Variants in KDM1B observed in about 807,000 individuals in gnomAD.
The protein encoded by KDM1B is lysine-specific histone demethylase 2.
In KDM1B, 63 loss-of-function variants were observed where a neutral mutation model predicts 107.4. The observed-to-expected ratio is 0.59, with a 90% confidence interval of 0.48 to 0.72. KDM1B has a LOEUF of 0.72. Ranked by LOEUF, KDM1B falls within the 30% of genes least tolerant of loss-of-function variation. The pLI, the probability that KDM1B is intolerant of heterozygous loss-of-function variation, is 0.00. For missense variants in KDM1B, 749 were observed against 1,020.8 expected, an observed-to-expected ratio of 0.73 and a Z score of 3.63; for synonymous variants, 363 against 363.9, an observed-to-expected ratio of 1.00 and a Z score of 0.03.
At position 18,200,402 on chromosome 6, in the gene KDM1B, T is replaced by C. The variant is rs1787957207; in HGVS notation, c.1222-37T>C. ...AATACTGTGTCTGATATAACTCTTGTGTCCTATTTAGCTTCCCTGACTGTC... is the reference window on the plus strand; with the variant it reads ...AATACTGTGTCTGATATAACTCTTGCGTCCTATTTAGCTTCCCTGACTGTC... On this transcript the variant is annotated intron_variant, in intron 12 of 21. Coordinates refer to ENST00000650836, the MANE Select transcript of KDM1B (RefSeq NM_001364614.2). The surrounding 1 kb of genome is among the most constrained non-coding windows in gnomAD (Gnocchi z 4.3). 1.2e-6 allele frequency: 2 copies of C among 1,604,114 alleles called. No homozygotes were observed. The highest frequency in any genetic ancestry group is 1.7e-6 in the Non-Finnish European group (2 of 1,174,234).
intron 17 of KDM1B, among the ~76,000 whole-genome samples, chr6:18,210,757 G>A (rs1354216970): frequency 2.6e-5 from 4 of 152,198 alleles, no homozygotes; most frequent in South Asian, 4.1e-4. Flanking sequence ...ACAGCACTTC[G>A]GGAGGCTGAG....
chr6:18,201,740 C>A lies in KDM1B; in HGVS notation c.1531+83C>A. On this transcript the variant is annotated intron_variant, in intron 14 of 21. Coordinates refer to ENST00000650836, the MANE Select transcript of KDM1B (RefSeq NM_001364614.2). This position sits in a 1 kb window ranked among gnomAD's most constrained non-coding sequence, Gnocchi z 4.3. Reference sequence around the variant, plus strand: ...CATCAGCAGTGGCATTGTTCATTTGCGAGGTCGGATGTCGGCAACAGGGTA... The same window carrying A: ...CATCAGCAGTGGCATTGTTCATTTGAGAGGTCGGATGTCGGCAACAGGGTA... The A allele has an allele frequency of 8.4e-7, 1 of 1,195,818 alleles. No individual in the cohort carries two copies. Among genetic ancestry groups the A allele is most frequent in the Non-Finnish European group, 1.2e-6 (1 of 861,112 alleles). 74.1% of individuals were successfully genotyped at this position (1,195,818 alleles called of 1,614,324 possible).
intron 3 of KDM1B, 82 bp from the exon 4 acceptor site, chr6:18,161,245 C>A: frequency 7.7e-7 from 1 of 1,305,600 alleles, no homozygotes; most frequent in Non-Finnish European, 1.1e-6. Context: ...TAGAACTCAG[C>A]TGTGATTTCA....
chr6:18,205,784 G>A lies in KDM1B; in HGVS notation c.1659+120G>A, dbSNP rs965180788. 5 of 951,988 alleles carry A rather than the reference G, an allele frequency of 5.3e-6. No individual in the cohort carries two copies. The highest frequency in any genetic ancestry group is 7.0e-6 in the Non-Finnish European group (5 of 710,736). 59.0% of individuals were successfully genotyped at this position (951,988 alleles called of 1,614,324 possible). On this transcript the variant is annotated intron_variant, in intron 15 of 21. Coordinates refer to ENST00000650836, the MANE Select transcript of KDM1B (RefSeq NM_001364614.2). The surrounding 1 kb of genome is among the most constrained non-coding windows in gnomAD (Gnocchi z 5.7). ...CGAGGTGGGCAGATCATGAGGTCAG[G>A]AGATCGAGACCATCCTGGCCAACAT...
rs893835219 is a variant in KDM1B, at chr6:18,220,925, T to A, written c.2386-984T>A. On this transcript the variant is annotated intron_variant, in intron 21 of 21. Transcript: ENST00000650836. Reference sequence around the variant, plus strand: ...ACTGTGCCCAGCTAATTTTTTATTTTTTTTTAGTAGAGATGGGGTTTCATC... The same window carrying A: ...ACTGTGCCCAGCTAATTTTTTATTTATTTTTAGTAGAGATGGGGTTTCATC... Among the ~76,000 whole-genome samples the A allele has an allele frequency of 2.6e-5, 4 of 152,186 alleles. No individual in the cohort carries two copies. The East Asian group carries it at 7.8e-4, about 30-fold the overall frequency.
chr6:18,157,154 A>C (rs1371401409), intron 2 of KDM1B, among the ~76,000 whole-genome samples: 3 of 152,166 alleles, frequency 2.0e-5, no homozygotes, highest in Non-Finnish European at 4.4e-5. Flanking sequence ...TAATTTGAAA[A>C]ATCAAGAAGG....
In KDM1B at chr6:18,213,700, A is replaced by C; in HGVS notation, c.2028A>C (p.Gln676His). Residue 676 changes from glutamine (Q) to histidine (H), a missense_variant, in exon 19 of 22, where the codon CAA (glutamine) becomes CAC (histidine). Physicochemically the swap from Gln to His is conservative, Grantham distance 24. Coordinates refer to ENST00000650836, the MANE Select transcript of KDM1B (RefSeq NM_001364614.2). The surrounding 1 kb of genome is among the most constrained non-coding windows in gnomAD (Gnocchi z 5.9). ...ATAGATTTTGGGACAGTAAAGTACA[A>C]GGGGCTGACTTTTTTGGTCACGTTC... is the stretch of plus-strand genomic sequence containing the variant. ...FPYRFWDSKV[Q>H]GADFFGHVPP... 1 of 1,614,134 alleles carries C rather than the reference A, an allele frequency of 6.2e-7. No individual in the cohort carries two copies. The highest frequency in any genetic ancestry group is 8.5e-7 in the Non-Finnish European group (1 of 1,179,998).
At position 18,191,393 on chromosome 6, in the gene KDM1B, C is replaced by T; in HGVS notation, c.969+12C>T. On this transcript the variant is annotated intron_variant, in intron 10 of 21. Transcript: ENST00000650836. The surrounding 1 kb of genome is among the most constrained non-coding windows in gnomAD (Gnocchi z 5.1). The stretch of plus-strand genomic sequence containing the variant: ...ATACTAACTGCAAAGTAAGTAAGGG[C>T]ATGTTAGCCAATAGCACTGGACAGA... The T allele has an allele frequency of 1.3e-6, 2 of 1,548,730 alleles. No homozygotes were observed. Among genetic ancestry groups the T allele is most frequent in the African/African-American group, 1.4e-5 (1 of 73,106 alleles).
chr6:18,156,551 C>T (rs1324626454), intron 2 of KDM1B, among the ~76,000 whole-genome samples: 1 of 152,082 alleles, frequency 6.6e-6, no homozygotes, highest in East Asian at 1.9e-4. Context: ...AAATTACCAT[C>T]AATAATTATT....
chr6:18,206,424 G>A (rs1336879178), intron 15 of KDM1B, among the ~76,000 whole-genome samples: 1 of 152,122 alleles, frequency 6.6e-6, no homozygotes, highest in Non-Finnish European at 1.5e-5. Flanking sequence ...GGCTGAGGTG[G>A]GAGGATTGCT....
rs756264821 is a variant in KDM1B at position 18,222,176 on chromosome 6, A to G, written c.*184A>G. 1.1e-4 allele frequency: 74 copies of G among 697,006 alleles called. No individual in the cohort carries two copies. The highest frequency in any genetic ancestry group is 1.8e-4 in the Non-Finnish European group (70 of 380,588). 43.2% of individuals were successfully genotyped at this position (697,006 alleles called of 1,614,324 possible). ...AAAAGCACTGACCTCAAAAAACCTT[A>G]TAAGCACTTAGATTTAATTGCATTT... On this transcript the variant is annotated 3_prime_UTR_variant, in exon 22 of 22. Transcript: ENST00000650836.
chr6:18,182,100 A>G (rs914722460), intron 7 of KDM1B, among the ~76,000 whole-genome samples: 2 of 152,052 alleles, frequency 1.3e-5, no homozygotes, highest in African/African-American at 4.8e-5. Context: ...ATTTTTTTCC[A>G]GGAGGGCCTC....
intron 6 of KDM1B, among the ~76,000 whole-genome samples, chr6:18,171,045 T>C (rs1031608161): frequency 2.3e-4 from 35 of 151,962 alleles, no homozygotes; most frequent in African/African-American, 5.3e-4. Flanking sequence ...TGGTCTGGAT[T>C]TCCTGACCTC....
intron 7 of KDM1B, among the ~76,000 whole-genome samples, chr6:18,184,273 C>CTTTTTTTTTTTTTTT (rs1163110910): frequency 3.4e-5 from 4 of 116,670 alleles, no homozygotes; most frequent in Non-Finnish European, 6.9e-5. Context: ...GTTCTAGCTT[C>CTTTTTTTTTTTTTTT]TTTTTTTTTT....
rs1321605884 is a variant in KDM1B, at chr6:18,166,331, G to A, written c.370G>A (p.Glu124Lys). The part of the protein sequence containing the change: ...KKIWTSNGKT[E>K]PSPKAFMADQ... ...AATATGGACTAGCAATGGCAAAACCGAACCTAGTCCCAAAGCTTTCATGGC... is the reference window on the plus strand; with the variant it reads ...AATATGGACTAGCAATGGCAAAACCAAACCTAGTCCCAAAGCTTTCATGGC... Residue 124 changes from glutamate to lysine, a missense_variant, in exon 6 of 22, where the codon GAA becomes AAA. Transcript: ENST00000650836. 4 of 1,613,322 alleles carry A rather than the reference G, an allele frequency of 2.5e-6. No homozygotes were observed. The highest frequency in any genetic ancestry group is 3.4e-6 in the Non-Finnish European group (4 of 1,179,360).
In KDM1B at chr6:18,159,753, G is replaced by C; in HGVS notation, c.-13-130G>C. On this transcript the variant is annotated intron_variant, in intron 2 of 21. Coordinates refer to ENST00000650836, the MANE Select transcript of KDM1B (RefSeq NM_001364614.2). The surrounding 1 kb of genome is among the most constrained non-coding windows in gnomAD (Gnocchi z 4.5). ...CAAGAATGTCTCAAAAGAAAAGAAA[G>C]AAAACTGTAGCTTTGTATTTAGGCA... The C allele has an allele frequency of 1.6e-6, 1 of 610,632 alleles. No homozygotes were observed. The highest frequency in any genetic ancestry group is 2.8e-6 in the Non-Finnish European group (1 of 352,682). The allele number at this position is 610,632 out of a possible 1,614,324, so 37.8% of individuals were successfully genotyped here.
chr6:18,190,021 G>A (rs1462750853), intron 9 of KDM1B, among the ~76,000 whole-genome samples: 1 of 152,016 alleles, frequency 6.6e-6, no homozygotes, highest in Non-Finnish European at 1.5e-5. Context: ...TGTGTGGTAT[G>A]TGCCTGTAAT....
In KDM1B at chr6:18,197,373, C is replaced by A. The variant is rs894453310; in HGVS notation, c.1146+140C>A. 1.1e-6 allele frequency: 1 copy of A among 912,990 alleles called. No homozygotes were observed. Among genetic ancestry groups the A allele is most frequent in the Admixed American group, 2.7e-5 (1 of 37,188 alleles). The allele number at this position is 912,990 out of a possible 1,614,324, so 56.6% of individuals were successfully genotyped here. A position where few individuals can be genotyped will look rare whatever the true frequency, so the allele number is the denominator to read the frequency against. ...AAGGCTTTCGCAGAATGTGTTTCTC[C>A]TGAAAGGAGAATATCAAGCACTCTT... is the stretch of plus-strand genomic sequence containing the variant. On this transcript the variant is annotated intron_variant, in intron 11 of 21. Coordinates refer to ENST00000650836, the MANE Select transcript of KDM1B (RefSeq NM_001364614.2). This position sits in a 1 kb window ranked among gnomAD's most constrained non-coding sequence, Gnocchi z 4.5.
chr6:18,161,479 C>T (rs1324933455), intron 4 of KDM1B, 25 bp downstream of exon 4: 2 of 1,609,944 alleles, frequency 1.2e-6, no homozygotes, highest in East Asian at 2.2e-5. Context: ...GTGTCTTGGC[C>T]TCCCATTTCT....
Sources: allele counts gnomAD v4.1 joint callset (sites outside exome capture counted in the v4.1 genomes callset), GRCh38; gene constraint gnomAD v4.1.1; non-coding constraint Gnocchi (gnomAD v3.1); transcripts MANE v1.5; gene names NCBI Gene and HGNC (gene_info 2026-07-23, HGNC 2026-07-21).